MAN2A1: variants seen among roughly 807,000 people sequenced by gnomAD.
The protein encoded by MAN2A1 is alpha-mannosidase 2.
A neutral mutation model predicts 142.6 loss-of-function variants in MAN2A1; 76 were observed. The observed-to-expected ratio is 0.53, with a 90% CI of 0.44 to 0.65. The LOEUF (loss-of-function observed/expected upper bound fraction) is 0.65, where lower values mean the gene tolerates loss of function less well. MAN2A1 is among the 30% of genes least tolerant of loss of function. MAN2A1 has a pLI of 0.00. For missense variants in MAN2A1, 1,311 were observed against 1,365.1 expected, an observed-to-expected ratio of 0.96 and a Z score of 0.62; for synonymous variants, 559 against 473.2, an observed-to-expected ratio of 1.18 and a Z score of -2.35.
At chr5:109,746,428 G>C (rs1405399028) in intron 4 of MAN2A1, among the ~76,000 whole-genome samples, 2 of 152,104 alleles carry the variant, frequency 1.3e-5, no homozygotes, top group Non-Finnish European at 2.9e-5. Context: ...CTGTCTCCTT[G>C]TCATTTTGCT....
At chr5:109,770,844 A>T (rs185784601) in intron 7 of MAN2A1, among the ~76,000 whole-genome samples, 1 of 152,160 alleles carries the variant, frequency 6.6e-6, no homozygotes, top group African/African-American at 2.4e-5. Context: ...GATTGATTTC[A>T]TATACTTTTG....
At chr5:109,842,584 A>C in intron 17 of MAN2A1, 123 bp downstream of exon 17, 1 of 576,426 alleles carries the variant, frequency 1.7e-6, no homozygotes, top group Non-Finnish European at 2.8e-6. Context: ...AATTATATCT[A>C]AAATAAAACT....
rs1367154463 is a variant in MAN2A1 at position 109,869,254 on chromosome 5, C to T, written c.*2256C>T. 2.6e-5 allele frequency: 4 copies of T among 152,118 alleles called. No homozygotes were observed. Among genetic ancestry groups the T allele is most frequent in the Admixed American group, 6.6e-5 (1 of 15,266 alleles). 9.4% of individuals were successfully genotyped at this position (152,118 alleles called of 1,614,324 possible). On this transcript the variant is annotated 3_prime_UTR_variant, in exon 22 of 22. Transcript: ENST00000261483. ...GTGGCATATTTATTTGGTTAGGTTT[C>T]GTTACATTTATTATTACAGATGTTC...
At chr5:109,692,977 C>T (rs1273301502) in intron 1 of MAN2A1, among the ~76,000 whole-genome samples, 2 of 152,170 alleles carry the variant, frequency 1.3e-5, no homozygotes, top group Non-Finnish European at 2.9e-5. Flanking sequence ...GGAGGTGGAG[C>T]TCAGGCGGTA....
intron 12 of MAN2A1, among the ~76,000 whole-genome samples, chr5:109,801,064 A>G (rs969375808): frequency 3.9e-5 from 6 of 152,142 alleles, no homozygotes; most frequent in Non-Finnish European, 5.9e-5. Context: ...TTCATTTTGT[A>G]TTGCACTGAA....
intron 16 of MAN2A1, among the ~76,000 whole-genome samples, chr5:109,832,557 C>G (rs1353253476): frequency 6.6e-6 from 1 of 152,188 alleles, no homozygotes; most frequent in African/African-American, 2.4e-5. Context: ...AAAATGGAGT[C>G]TCCCATGTCT....
chr5:109,799,120 A>G (rs1338352791), intron 12 of MAN2A1, among the ~76,000 whole-genome samples: 1 of 152,142 alleles, frequency 6.6e-6, no homozygotes, highest in Non-Finnish European at 1.5e-5. Context: ...CCTGCCTCAC[A>G]CATTTGTTGG....
At chr5:109,757,452 A>G (rs1278347958) in intron 5 of MAN2A1, among the ~76,000 whole-genome samples, 1 of 152,088 alleles carries the variant, frequency 6.6e-6, no homozygotes, top group Non-Finnish European at 1.5e-5. Context: ...CTTGCAGCCA[A>G]CTGCTCTTTG....
chr5:109,699,262 A>G (rs1582798352), intron 1 of MAN2A1, among the ~76,000 whole-genome samples: 1 of 152,136 alleles, frequency 6.6e-6, no homozygotes, highest in Non-Finnish European at 1.5e-5. Flanking sequence ...TTTTACATCA[A>G]CATACCTTAT....
At chr5:109,726,613 T>C (rs1751751969) in intron 3 of MAN2A1, among the ~76,000 whole-genome samples, 1 of 151,152 alleles carries the variant, frequency 6.6e-6, no homozygotes, top group African/African-American at 2.5e-5. Flanking sequence ...AATCAATCAC[T>C]GTGATTCCTC....
At position 109,869,183 on chromosome 5, in the gene MAN2A1, TG is replaced by T. The variant is rs2112456889; in HGVS notation, c.*2186del. 1 of 152,368 alleles carries T rather than the reference TG, an allele frequency of 6.6e-6. No individual in the cohort carries two copies. The highest frequency in any genetic ancestry group is 2.1e-4 in the South Asian group (1 of 4,834). The allele number at this position is 152,368 out of a possible 1,614,324, so 9.4% of individuals were successfully genotyped here. ...GTCAAAAACTGATTAAATAATTTAA[TG>T]TCTCTGGCACACACTAAAAACCATA... On this transcript the variant is annotated 3_prime_UTR_variant, in exon 22 of 22. Transcript: ENST00000261483.
intron 6 of MAN2A1, 79 bp downstream of exon 6, chr5:109,767,787 G>T: frequency 1.6e-6 from 2 of 1,218,916 alleles, no homozygotes; most frequent in South Asian, 1.5e-5. Context: ...TGCCACTGTG[G>T]GTTTTGTTCA....
intron 2 of MAN2A1, 149 bp downstream of exon 2, chr5:109,713,923 G>A (rs1454022884): frequency 1.5e-6 from 1 of 659,378 alleles, no homozygotes; most frequent in Non-Finnish European, 2.5e-6. Context: ...TTAGTCACAT[G>A]AACATTAATG....
intron 1 of MAN2A1, among the ~76,000 whole-genome samples, chr5:109,712,663 T>C (rs2112560734): frequency 6.6e-6 from 1 of 152,326 alleles, no homozygotes; most frequent in South Asian, 2.1e-4. Context: ...AACATCACCT[T>C]GTGTGTTCAA....
At chr5:109,861,482 T>C (rs1407736176) in intron 20 of MAN2A1, among the ~76,000 whole-genome samples, 1 of 152,204 alleles carries the variant, frequency 6.6e-6, no homozygotes, top group African/African-American at 2.4e-5. Flanking sequence ...CTTAATACTT[T>C]GTTAATAATT....
chr5:109,818,006 A>C (rs1220046145), intron 13 of MAN2A1, among the ~76,000 whole-genome samples: 1 of 152,202 alleles, frequency 6.6e-6, no homozygotes, highest in Non-Finnish European at 1.5e-5. Flanking sequence ...TAAACTGATC[A>C]CTGTACCACT....
At chr5:109,826,895 A>G (rs1448556447) in intron 16 of MAN2A1, among the ~76,000 whole-genome samples, 5 of 152,256 alleles carry the variant, frequency 3.3e-5, no homozygotes, top group East Asian at 1.9e-4. Context: ...ATCAAAATGC[A>G]TAGACAAAAT....
intron 1 of MAN2A1, among the ~76,000 whole-genome samples, chr5:109,713,162 A>C (rs1370255645): frequency 6.6e-6 from 1 of 152,206 alleles, no homozygotes; most frequent in Non-Finnish European, 1.5e-5. Flanking sequence ...CTTAAATTAA[A>C]AATTTCATAC....
At chr5:109,733,017 T>C (rs1385347714) in intron 4 of MAN2A1, among the ~76,000 whole-genome samples, 2 of 152,200 alleles carry the variant, frequency 1.3e-5, no homozygotes, top group African/African-American at 4.8e-5. Flanking sequence ...CTTCCATTTG[T>C]TTGTATCCTC....
Sources: gnomAD v4.1 joint callset for allele counts (sites outside exome capture counted in the v4.1 genomes callset) on GRCh38, gnomAD v4.1.1 for gene constraint, MANE v1.5 for transcripts, NCBI Gene and HGNC (gene_info 2026-07-23, HGNC 2026-07-21) for gene names.